GPC5: variants seen among roughly 807,000 people sequenced by gnomAD.
GPC5 encodes glypican 5, also known as glypican-5.
In GPC5, 47 loss-of-function variants were observed where a neutral mutation model predicts 53.9. The ratio of observed to expected loss-of-function variants is 0.87; its 90% CI spans 0.69 to 1.11. GPC5 has a LOEUF of 1.11. Among genes scored for constraint, GPC5 ranks in the 50% most tolerant of loss-of-function variants. The pLI is 0.00. For synonymous variants in GPC5, 286 were observed against 263.3 expected (o/e 1.09, Z -0.84); for missense variants, 748 against 713.1 (o/e 1.05, Z -0.56).
intron 1 of GPC5, among the ~76,000 whole-genome samples, chr13:91,408,229 C>G (rs919340668): frequency 1.3e-5 from 2 of 152,136 alleles, no homozygotes; most frequent in Non-Finnish European, 2.9e-5. Flanking sequence ...CCAACAGCCC[C>G]AGCTCCTGAT....
chr13:91,976,411 G>T (rs2040302451), intron 6 of GPC5, among the ~76,000 whole-genome samples: 1 of 152,194 alleles, frequency 6.6e-6, no homozygotes, highest in African/African-American at 2.4e-5. Flanking sequence ...AATGAGTATT[G>T]CCAGGGAAGA....
intron 7 of GPC5, among the ~76,000 whole-genome samples, chr13:92,146,817 AG>A (rs2041870699): frequency 6.6e-6 from 1 of 152,096 alleles, no homozygotes; most frequent in Non-Finnish European, 1.5e-5. Context: ...AATTTCATCT[AG>A]GTTGCTGTGA....
At chr13:92,266,620 T>C (rs1315038846) in intron 7 of GPC5, among the ~76,000 whole-genome samples, 1 of 152,110 alleles carries the variant, frequency 6.6e-6, no homozygotes, top group Non-Finnish European at 1.5e-5. Context: ...TATCTCCAAG[T>C]CTTATAATCA....
intron 2 of GPC5, among the ~76,000 whole-genome samples, chr13:91,472,974 G>C (rs1482707253): frequency 2.0e-5 from 3 of 152,112 alleles, no homozygotes. Context: ...TCAAGACTGG[G>C]TAATTTATAA....
intron 7 of GPC5, among the ~76,000 whole-genome samples, chr13:92,400,090 A>G (rs1230105145): frequency 6.6e-6 from 1 of 152,192 alleles, no homozygotes; most frequent in Non-Finnish European, 1.5e-5. Context: ...GCCTCTTGCT[A>G]CAGAGTCCGT....
chr13:91,507,654 A>G (rs1885013858), intron 2 of GPC5, among the ~76,000 whole-genome samples: 1 of 152,224 alleles, frequency 6.6e-6, no homozygotes, highest in Non-Finnish European at 1.5e-5. Flanking sequence ...GTGGGGACAC[A>G]GAGCCAAACA....
chr13:92,740,455 C>T (rs1298935804), intron 7 of GPC5, among the ~76,000 whole-genome samples: 1 of 151,976 alleles, frequency 6.6e-6, no homozygotes, highest in East Asian at 1.9e-4. Context: ...TAGCTACTGT[C>T]CAATTGTGAA....
At chr13:91,854,037 T>G (rs1029924416) in intron 5 of GPC5, among the ~76,000 whole-genome samples, 2 of 151,772 alleles carry the variant, frequency 1.3e-5, no homozygotes, top group Non-Finnish European at 2.9e-5. Context: ...GAAGGTTTAT[T>G]TATGCACTTA....
intron 7 of GPC5, among the ~76,000 whole-genome samples, chr13:92,201,382 G>A (rs2042294298): frequency 6.6e-6 from 1 of 152,192 alleles, no homozygotes; most frequent in Admixed American, 6.5e-5. Context: ...TTCAATTGAT[G>A]TGCATGGTTG....
chr13:91,705,232 A>G (rs1180045645), intron 3 of GPC5, among the ~76,000 whole-genome samples: 1 of 152,214 alleles, frequency 6.6e-6, no homozygotes. Flanking sequence ...GTTCACATTT[A>G]TGATTCTGAC....
intron 4 of GPC5, among the ~76,000 whole-genome samples, chr13:91,729,209 A>G (rs369076430): frequency 1.3e-5 from 2 of 152,210 alleles, no homozygotes; most frequent in East Asian, 3.8e-4. Context: ...GATTCAAAAT[A>G]ATACACATCC....
intron 7 of GPC5, among the ~76,000 whole-genome samples, chr13:92,566,216 A>G (rs1435100495): frequency 6.6e-6 from 1 of 152,122 alleles, no homozygotes; most frequent in Admixed American, 6.6e-5. Flanking sequence ...GTAGAATTTA[A>G]TAACAGTTCA....
chr13:92,318,156 T>C (rs2043192397), intron 7 of GPC5, among the ~76,000 whole-genome samples: 1 of 152,200 alleles, frequency 6.6e-6, no homozygotes, highest in Non-Finnish European at 1.5e-5. Flanking sequence ...ATCAACTTGA[T>C]TTAGCATCTT....
At chr13:92,380,574 C>T (rs2043730333) in intron 7 of GPC5, among the ~76,000 whole-genome samples, 1 of 151,876 alleles carries the variant, frequency 6.6e-6, no homozygotes. Context: ...GAAAATGTGG[C>T]ACATATACAC....
In GPC5 at chr13:92,345,064, C is replaced by T. The variant is rs1244040992; in HGVS notation, c.1561+200075C>T. On this transcript the variant is annotated intron_variant, in intron 7 of 7. Coordinates refer to ENST00000377067, the MANE Select transcript of GPC5 (RefSeq NM_004466.6). ...TTGAACTAGCATAATAAAAATACAACAGCATAATATATCAAGAGAAAAATG... is the reference window on the plus strand; with the variant it reads ...TTGAACTAGCATAATAAAAATACAATAGCATAATATATCAAGAGAAAAATG... 2.6e-5 allele frequency among the ~76,000 whole-genome samples: 4 copies of T among 152,110 alleles called. No homozygotes were observed. The South Asian group carries it at 8.3e-4, about 32-fold the overall frequency.
chr13:92,526,911 T>A (rs1881304043), intron 7 of GPC5, among the ~76,000 whole-genome samples: 1 of 151,408 alleles, frequency 6.6e-6, no homozygotes, highest in African/African-American at 2.4e-5. Context: ...ATAACTGTGC[T>A]TGTGACGGAG....
chr13:92,247,478 G>C (rs1408738054), intron 7 of GPC5, among the ~76,000 whole-genome samples: 1 of 152,118 alleles, frequency 6.6e-6, no homozygotes, highest in Non-Finnish European at 1.5e-5. Flanking sequence ...TTGCTGTTAA[G>C]ATTGTCTTGT....
rs533597770 is a variant in GPC5, at chr13:92,417,823, C to T, written c.1561+272834C>T. On this transcript the variant is annotated intron_variant, in intron 7 of 7. Coordinates refer to ENST00000377067, the MANE Select transcript of GPC5 (RefSeq NM_004466.6). ...GGAGGATTGCATAAGCCTGGGAGGT[C>T]GAGGGTGCGGTGAGCTGAAATTGCA... Among the ~76,000 whole-genome samples the T allele has an allele frequency of 7.4e-4, 113 of 152,130 alleles. 1 individual carries two copies. Among genetic ancestry groups the T allele is most frequent in the Non-Finnish European group, 1.5e-3 (103 of 67,988 alleles).
At chr13:91,695,840 C>T (rs1026747945) in intron 3 of GPC5, among the ~76,000 whole-genome samples, 5 of 152,076 alleles carry the variant, frequency 3.3e-5, no homozygotes, top group African/African-American at 1.2e-4. Context: ...GACCTTTTTT[C>T]CTATGTATTT....
Sources: gnomAD v4.1 joint callset for allele counts (sites outside exome capture counted in the v4.1 genomes callset) on GRCh38, gnomAD v4.1.1 for gene constraint, MANE v1.5 for transcripts, NCBI Gene and HGNC (gene_info 2026-07-23, HGNC 2026-07-21) for gene names.